Variants in MELK observed in about 807,000 individuals in gnomAD.
MELK encodes the protein maternal embryonic leucine zipper kinase.
In MELK, 81 loss-of-function variants were observed where a neutral mutation model predicts 85.0. The observed-to-expected ratio is 0.95, with a 90% CI of 0.80 to 1.15. The LOEUF is 1.15. MELK is among the 50% of genes most tolerant of loss of function. MELK has a pLI of 0.00. For synonymous variants in MELK, 252 were observed against 265.0 expected (o/e 0.95, Z 0.48); for missense variants, 754 against 777.5 (o/e 0.97, Z 0.36).
At position 36,674,876 on chromosome 9, in the gene MELK, C is replaced by G. The variant is rs758314348; in HGVS notation, c.1717C>G (p.Gln573Glu). ...VTTTRLVNPDQLLNEIMSILP... is the reference protein window; with the variant it reads ...VTTTRLVNPDELLNEIMSILP... Reference sequence around the variant, plus strand: ...TACAACTAGATTAGTGAATCCAGATCAACTGTTGAATGAAATAATGTCTAT... The same window carrying G: ...TACAACTAGATTAGTGAATCCAGATGAACTGTTGAATGAAATAATGTCTAT... Residue 573 changes from glutamine to glutamate, a missense_variant, in exon 17 of 18, where the codon CAA (glutamine) becomes GAA (glutamate). By Grantham distance (29) the Gln-to-Glu change is conservative. Coordinates refer to ENST00000298048, the MANE Select transcript of MELK (RefSeq NM_014791.4). 1.2e-6 allele frequency: 2 copies of G among 1,600,944 alleles called. No homozygotes were observed. Among genetic ancestry groups the G allele is most frequent in the East Asian group, 4.5e-5 (2 of 44,808 alleles).
rs532672538 is a variant in MELK at position 36,671,749 on chromosome 9, C to T, written c.1674+583C>T. 8.5e-5 allele frequency among the ~76,000 whole-genome samples: 13 copies of T among 152,254 alleles called. No individual in the cohort carries two copies. In the South Asian group the frequency reaches 2.7e-3, roughly 32 times the overall value. On this transcript the variant is annotated intron_variant, in intron 16 of 17. Coordinates refer to ENST00000298048, the MANE Select transcript of MELK (RefSeq NM_014791.4). ...GTCAAGGAAGGAAAGGAAAAATAAGCTGTTAGTTGATATAAAGTACTTTTT... is the reference window on the plus strand; with the variant it reads ...GTCAAGGAAGGAAAGGAAAAATAAGTTGTTAGTTGATATAAAGTACTTTTT...
intron 6 of MELK, among the ~76,000 whole-genome samples, chr9:36,599,171 C>T (rs564190703): frequency 5.9e-5 from 9 of 152,024 alleles, no homozygotes; most frequent in African/African-American, 2.2e-4. Context: ...TGGCACGCTG[C>T]GTGCCTGTAA....
intron 1 of MELK, among the ~76,000 whole-genome samples, chr9:36,579,317 G>A (rs1256068822): frequency 2.6e-5 from 4 of 152,138 alleles, no homozygotes; most frequent in African/African-American, 2.4e-5. Context: ...ATGAGCCACC[G>A]CGCCCAGCCT....
intron 3 of MELK, among the ~76,000 whole-genome samples, chr9:36,585,897 C>T (rs1822840133): frequency 6.6e-6 from 1 of 151,838 alleles, no homozygotes; most frequent in Non-Finnish European, 1.5e-5. Flanking sequence ...GTGATTGCAC[C>T]ACTGCACTCT....
At chr9:36,597,424 C>A in intron 6 of MELK, 134 bp downstream of exon 6, 1 of 779,014 alleles carries the variant, frequency 1.3e-6, no homozygotes, top group Non-Finnish European at 2.1e-6. Context: ...AAATTTCATC[C>A]CAGGTATGGG....
intron 8 of MELK, among the ~76,000 whole-genome samples, chr9:36,616,084 T>C (rs10814417): frequency 0.8 from 121,617 of 152,086 alleles, 48,947 homozygotes; most frequent in African/African-American, 0.88. Context: ...GCCGGCGCGG[T>C]GGCAAAGAAA....
At chr9:36,635,858 G>A (rs1256347871) in intron 10 of MELK, among the ~76,000 whole-genome samples, 2 of 148,486 alleles carry the variant, frequency 1.3e-5, no homozygotes, top group African/African-American at 2.5e-5. Flanking sequence ...GTGCAATGGC[G>A]CAGTCTCAGC....
chr9:36,572,906 A>C lies in MELK; in HGVS notation c.-140A>C, dbSNP rs1821230643. The C allele has an allele frequency of 6.6e-6, 1 of 152,036 alleles. No individual in the cohort carries two copies. Among genetic ancestry groups the C allele is most frequent in the Non-Finnish European group, 1.5e-5 (1 of 67,986 alleles). 9.4% of individuals were successfully genotyped at this position (152,036 alleles called of 1,614,324 possible). On this transcript the variant is annotated 5_prime_UTR_variant, in exon 1 of 18. Transcript: ENST00000298048. Reference sequence around the variant, plus strand: ...GGGCGGAAGCGGCCACAACCCGGCGATCGAAAAGATTCTTAGGAACGCCGT... The same window carrying C: ...GGGCGGAAGCGGCCACAACCCGGCGCTCGAAAAGATTCTTAGGAACGCCGT...
chr9:36,645,645 A>G (rs1347364790), intron 11 of MELK, among the ~76,000 whole-genome samples: 2 of 152,296 alleles, frequency 1.3e-5, no homozygotes, highest in East Asian at 3.9e-4. Context: ...CCTTGGCTGT[A>G]TAGTGGCATT....
At chr9:36,618,284 C>G (rs1441763654) in intron 8 of MELK, among the ~76,000 whole-genome samples, 3 of 151,718 alleles carry the variant, frequency 2.0e-5, no homozygotes, top group Non-Finnish European at 2.9e-5. Context: ...TGGTGCATGC[C>G]TGTAATCCCA....
At chr9:36,575,947 G>A (rs576944666) in intron 1 of MELK, among the ~76,000 whole-genome samples, 5 of 152,096 alleles carry the variant, frequency 3.3e-5, no homozygotes, top group Non-Finnish European at 7.4e-5. Context: ...TGAGCCTTAG[G>A]TTGACCTCTA....
intron 15 of MELK, among the ~76,000 whole-genome samples, chr9:36,669,789 C>G (rs975266349): frequency 6.6e-6 from 1 of 152,160 alleles, no homozygotes. Flanking sequence ...AAAGAAAATC[C>G]TCTGTATGAA....
intron 7 of MELK, among the ~76,000 whole-genome samples, chr9:36,601,687 G>T (rs1430214851): frequency 1.3e-5 from 2 of 152,160 alleles, no homozygotes; most frequent in African/African-American, 4.8e-5. Context: ...TTTTAATTTT[G>T]CAAAACTGAA....
chr9:36,574,175 G>A (rs1821390276), intron 1 of MELK, among the ~76,000 whole-genome samples: 2 of 152,094 alleles, frequency 1.3e-5, no homozygotes, highest in Non-Finnish European at 1.5e-5. Flanking sequence ...TGTAACTACT[G>A]TGGACCAACT....
chr9:36,646,981 G>A (rs1227994295), intron 11 of MELK, among the ~76,000 whole-genome samples: 1 of 152,338 alleles, frequency 6.6e-6, no homozygotes, highest in East Asian at 1.9e-4. Context: ...AAAGATAAGG[G>A]AAACCTTTGT....
chr9:36,596,828 T>G (rs1824336409), intron 5 of MELK, among the ~76,000 whole-genome samples: 1 of 147,676 alleles, frequency 6.8e-6, no homozygotes, highest in African/African-American at 2.5e-5. Flanking sequence ...TCAGGTGATG[T>G]GCCTGCCTCA....
intron 1 of MELK, among the ~76,000 whole-genome samples, chr9:36,580,051 T>A (rs557202035): frequency 4.7e-5 from 7 of 148,726 alleles, no homozygotes; most frequent in African/African-American, 9.8e-5. Context: ...TTTTTTTTTT[T>A]TTTTTTTTTA....
At chr9:36,586,670 ATACT>A (rs1822938230) in intron 3 of MELK, among the ~76,000 whole-genome samples, 1 of 152,204 alleles carries the variant, frequency 6.6e-6, no homozygotes, top group Non-Finnish European at 1.5e-5. Context: ...AACACTTCAA[ATACT>A]TAAATAGCAA....
At position 36,607,673 on chromosome 9, in the gene MELK, GGTGA is replaced by G; in HGVS notation, c.666+3_666+6del. ...TAATGGCTTTATACAAGAAGATTAT[GGTGA>G]GTATTACAAGGCATAGAATTTCAAT... On this transcript the variant is annotated splice_donor_variant and splice_donor_region_variant and intron_variant, in intron 8 of 17. Coordinates refer to ENST00000298048, the MANE Select transcript of MELK (RefSeq NM_014791.4). LOFTEE classifies it high-confidence loss of function. 2 of 1,578,510 alleles carry G rather than the reference GGTGA, an allele frequency of 1.3e-6. No homozygotes were observed. Among genetic ancestry groups the G allele is most frequent in the Non-Finnish European group, 1.7e-6 (2 of 1,147,888 alleles).
Sources: allele counts gnomAD v4.1 joint callset (sites outside exome capture counted in the v4.1 genomes callset), GRCh38; gene constraint gnomAD v4.1.1; transcripts MANE v1.5; gene names NCBI Gene and HGNC (gene_info 2026-07-23, HGNC 2026-07-21).